GPM6A: variants seen among roughly 807,000 people sequenced by gnomAD.
The protein encoded by GPM6A is glycoprotein M6A.
In GPM6A, 7 loss-of-function variants were observed where a neutral mutation model predicts 32.1. That is an observed-to-expected ratio of 0.22 (90% confidence interval 0.12 to 0.41). The LOEUF is 0.41. Among genes scored for constraint, GPM6A ranks in the 10% least tolerant of loss-of-function variants. The pLI, the probability that GPM6A is intolerant of heterozygous loss-of-function variation, is 1.00. For synonymous variants in GPM6A, 130 were observed against 123.4 expected, an observed-to-expected ratio of 1.05 and a Z score of -0.35; for missense variants, 235 against 347.2, an observed-to-expected ratio of 0.68 and a Z score of 2.57.
At chr4:175,651,362 GT>G (rs11346196) in intron 4 of GPM6A, among the ~76,000 whole-genome samples, 48,979 of 151,044 alleles carry the variant, frequency 0.32, 10,874 homozygotes, top group African/African-American at 0.64. Context: ...TTTATTTAGC[GT>G]TTTTTTTTTT....
chr4:175,754,325 G>C (rs1732447687), intron 1 of GPM6A, among the ~76,000 whole-genome samples: 1 of 152,098 alleles, frequency 6.6e-6, no homozygotes, highest in Non-Finnish European at 1.5e-5. Flanking sequence ...GTTTAAGGGA[G>C]AGGGATTAAG....
intron 1 of GPM6A, among the ~76,000 whole-genome samples, chr4:175,767,725 A>G (rs1733029703): frequency 6.6e-6 from 1 of 152,186 alleles, no homozygotes; most frequent in African/African-American, 2.4e-5. Context: ...GCATTCCATT[A>G]CTAGCTAGAA....
intron 1 of GPM6A, among the ~76,000 whole-genome samples, chr4:175,846,083 C>G (rs1382232074): frequency 6.6e-6 from 1 of 152,066 alleles, no homozygotes; most frequent in Non-Finnish European, 1.5e-5. Context: ...TTGTTCTTTT[C>G]AAGCCCTAAT....
intron 1 of GPM6A, among the ~76,000 whole-genome samples, chr4:175,770,003 A>G (rs1733122650): frequency 6.6e-6 from 1 of 152,166 alleles, no homozygotes. Flanking sequence ...ACTTTTAGTT[A>G]CAGTATTGTA....
intron 1 of GPM6A, among the ~76,000 whole-genome samples, chr4:175,947,321 G>A (rs1739640855): frequency 6.6e-6 from 1 of 151,920 alleles, no homozygotes; most frequent in Admixed American, 6.6e-5. Context: ...AACCACTAGA[G>A]GGAAAACTTC....
At chr4:175,824,545 T>A (rs1735374803) in intron 1 of GPM6A, among the ~76,000 whole-genome samples, 1 of 152,188 alleles carries the variant, frequency 6.6e-6, no homozygotes, top group African/African-American at 2.4e-5. Flanking sequence ...TTTTTATTTT[T>A]AATATTTCAG....
intron 1 of GPM6A, among the ~76,000 whole-genome samples, chr4:175,758,995 C>T (rs1189976125): frequency 2.0e-5 from 3 of 152,158 alleles, no homozygotes; most frequent in Non-Finnish European, 2.9e-5. Context: ...TTTTCAGTGT[C>T]TAGCATGCAG....
intron 1 of GPM6A, among the ~76,000 whole-genome samples, chr4:175,769,648 A>G (rs17061991): frequency 0.047 from 7,123 of 152,208 alleles, 268 homozygotes; most frequent in African/African-American, 0.091. Context: ...GAGGAGCCAG[A>G]ATGATACTCA....
chr4:175,637,376 A>T (rs868038114), intron 6 of GPM6A, among the ~76,000 whole-genome samples: 2,109 of 91,242 alleles, frequency 0.023, 172 homozygotes, highest in African/African-American at 0.092. Flanking sequence ...CATATAATAT[A>T]TTATATAATA....
intron 1 of GPM6A, among the ~76,000 whole-genome samples, chr4:175,750,598 GGTCTGGCTCTGTCGCC>G (rs1732294293): frequency 6.6e-6 from 1 of 151,336 alleles, no homozygotes; most frequent in Admixed American, 6.6e-5. Context: ...TTTTGACAGG[GGTCTGGCTCTGTCGCC>G]AAGGCTAGAG....
intron 2 of GPM6A, among the ~76,000 whole-genome samples, chr4:175,675,891 G>T (rs1743339449): frequency 6.6e-6 from 1 of 151,938 alleles, no homozygotes; most frequent in Non-Finnish European, 1.5e-5. Flanking sequence ...GAACTCCTGG[G>T]CTCAAAGGGA....
intron 1 of GPM6A, among the ~76,000 whole-genome samples, chr4:175,803,261 G>A (rs933247876): frequency 6.6e-6 from 1 of 151,848 alleles, no homozygotes; most frequent in Non-Finnish European, 1.5e-5. Flanking sequence ...ATGAACAAAC[G>A]ATAAAAACTT....
chr4:175,695,654 T>C (rs929878580), intron 2 of GPM6A, among the ~76,000 whole-genome samples: 2 of 152,166 alleles, frequency 1.3e-5, no homozygotes, highest in African/African-American at 2.4e-5. Context: ...TATAGGCTCA[T>C]AGGTGAAAGG....
At chr4:175,682,656 C>T (rs1743751500) in intron 2 of GPM6A, among the ~76,000 whole-genome samples, 1 of 152,154 alleles carries the variant, frequency 6.6e-6, no homozygotes, top group African/African-American at 2.4e-5. Context: ...ATCCCAACTG[C>T]TCATGCTCCA....
At chr4:175,967,377 G>C (rs1389176567) in intron 1 of GPM6A, among the ~76,000 whole-genome samples, 1 of 152,110 alleles carries the variant, frequency 6.6e-6, no homozygotes, top group Non-Finnish European at 1.5e-5. Flanking sequence ...ATGGTGAGGA[G>C]GATGTCCTTG....
intron 1 of GPM6A, chr4:175,790,378 T>A (rs1733964847): frequency 6.6e-6 from 1 of 152,222 alleles, no homozygotes; most frequent in South Asian, 2.1e-4. Flanking sequence ...GCTAACACAT[T>A]AATGAGATTT....
chr4:175,755,661 G>A lies in GPM6A; in HGVS notation c.38-53894C>T, dbSNP rs190299163. On this transcript the variant is annotated intron_variant, in intron 1 of 6. Transcript: ENST00000393658. ...GCATAAAAAAGTTTCCTCCAATTAC[G>A]TTGGTAGTACTTACTTCTCTGCAAG... Among the ~76,000 whole-genome samples, 152 of 152,156 alleles carry A rather than the reference G, an allele frequency of 1.0e-3. 1 individual carries two copies. Among genetic ancestry groups the A allele is most frequent in the Admixed American group, 5.7e-3 (87 of 15,274 alleles).
intron 1 of GPM6A, among the ~76,000 whole-genome samples, chr4:175,918,211 C>A (rs999460819): frequency 6.6e-6 from 1 of 151,772 alleles, no homozygotes; most frequent in Non-Finnish European, 1.5e-5. Context: ...TTGATGATAA[C>A]CATATGTGCA....
At chr4:175,695,050 G>A (rs1744501401) in intron 2 of GPM6A, among the ~76,000 whole-genome samples, 1 of 152,204 alleles carries the variant, frequency 6.6e-6, no homozygotes, top group African/African-American at 2.4e-5. Context: ...TTTCCTTGTA[G>A]TGTTAAGCCT....
Sources: gnomAD v4.1 joint callset for allele counts (sites outside exome capture counted in the v4.1 genomes callset) on GRCh38, gnomAD v4.1.1 for gene constraint, MANE v1.5 for transcripts, NCBI Gene and HGNC (gene_info 2026-07-23, HGNC 2026-07-21) for gene names.